The following LGR6 variants were observed in gnomAD, a reference collection of about 807,000 sequenced individuals.
LGR6 encodes the protein leucine-rich repeat-containing G protein-coupled receptor 6.
A neutral mutation model predicts 69.4 loss-of-function variants in LGR6; 45 were observed. The observed-to-expected ratio is 0.65, with a 90% CI of 0.51 to 0.83. The LOEUF is 0.83. Ranked by LOEUF, LGR6 falls within the 40% of genes least tolerant of loss-of-function variation. LGR6 has a pLI of 0.00. For missense variants in LGR6, 1,108 were observed against 1,246.7 expected, an observed-to-expected ratio of 0.89 and a Z score of 1.68; for synonymous variants, 538 against 555.0, an observed-to-expected ratio of 0.97 and a Z score of 0.43.
intron 4 of LGR6, among the ~76,000 whole-genome samples, chr1:202,244,836 G>T (rs1312481158): frequency 6.6e-6 from 1 of 152,198 alleles, no homozygotes; most frequent in Non-Finnish European, 1.5e-5. Flanking sequence ...GTAAGAAGCT[G>T]AGGCTAGAGT....
intron 11 of LGR6, among the ~76,000 whole-genome samples, chr1:202,304,834 C>T (rs1349263999): frequency 1.3e-5 from 2 of 152,182 alleles, no homozygotes; most frequent in African/African-American, 4.8e-5. Flanking sequence ...TTTGGACTCA[C>T]TCTTTAAAGT....
chr1:202,199,174 G>A (rs1455487989), intron 1 of LGR6, among the ~76,000 whole-genome samples: 3 of 151,812 alleles, frequency 2.0e-5, no homozygotes, highest in Non-Finnish European at 2.9e-5. Context: ...AAAGCTCCCC[G>A]GGAGAGCTGC....
chr1:202,279,408 C>T (rs901010772), intron 5 of LGR6, among the ~76,000 whole-genome samples: 5 of 152,108 alleles, frequency 3.3e-5, no homozygotes, highest in African/African-American at 1.2e-4. Context: ...CTGCCCATTG[C>T]CTTTATATTT....
chr1:202,272,632 G>T (rs558665709), intron 4 of LGR6, among the ~76,000 whole-genome samples: 1 of 152,348 alleles, frequency 6.6e-6, no homozygotes, highest in South Asian at 2.1e-4. Flanking sequence ...TTTTAAGCCA[G>T]TGCCATGCTC....
At chr1:202,258,545 A>G (rs934422010) in intron 4 of LGR6, among the ~76,000 whole-genome samples, 4 of 151,388 alleles carry the variant, frequency 2.6e-5, no homozygotes, top group African/African-American at 9.7e-5. Flanking sequence ...GAATTACTCC[A>G]TGATATTTAT....
At chr1:202,203,639 G>A (rs1558002979) in intron 1 of LGR6, 1 of 620,532 alleles carries the variant, frequency 1.6e-6, no homozygotes, top group Non-Finnish European at 2.9e-6. Flanking sequence ...TGGAGAGAGA[G>A]ATAAGACAAG....
intron 4 of LGR6, among the ~76,000 whole-genome samples, chr1:202,273,469 T>C (rs1293994960): frequency 6.6e-6 from 1 of 151,830 alleles, no homozygotes; most frequent in Admixed American, 6.6e-5. Context: ...TTGTTTTTTT[T>C]TTTTTGAGAT....
intron 4 of LGR6, among the ~76,000 whole-genome samples, chr1:202,271,808 CAAAAA>C (rs754922941): frequency 1.1e-5 from 1 of 88,486 alleles, no homozygotes; most frequent in South Asian, 4.3e-4. Flanking sequence ...AACTCTGTCT[CAAAAA>C]AAAAAAAAAA....
intron 3 of LGR6, among the ~76,000 whole-genome samples, chr1:202,231,100 CCCTGGCTCCAGG>C (rs1660998568): frequency 6.6e-6 from 1 of 152,212 alleles, no homozygotes; most frequent in South Asian, 2.1e-4. Flanking sequence ...CCATATGAAA[CCCTGGCTCCAGG>C]CCACAGAGGA....
intron 5 of LGR6, among the ~76,000 whole-genome samples, chr1:202,277,733 G>GA (rs1440832711): frequency 1.3e-5 from 2 of 151,380 alleles, no homozygotes; most frequent in Non-Finnish European, 1.5e-5. Flanking sequence ...ATAAATATGG[G>GA]AAAAAAATAA....
rs749961154 is a variant in LGR6 at position 202,307,315 on chromosome 1, C to T, written c.1209-15C>T. The T allele has an allele frequency of 1.9e-6, 3 of 1,613,412 alleles. No homozygotes were observed. Among genetic ancestry groups the T allele is most frequent in the Non-Finnish European group, 2.5e-6 (3 of 1,179,500 alleles). On this transcript the variant is annotated splice_polypyrimidine_tract_variant and intron_variant, in intron 13 of 17. Coordinates refer to ENST00000367278, the MANE Select transcript of LGR6 (RefSeq NM_001017403.2). ...ATGTTACTGTCCCCTCCTGTCACACCCTCTCTGCCTGCAGGGATCTTAGCT... is the reference window on the plus strand; with the variant it reads ...ATGTTACTGTCCCCTCCTGTCACACTCTCTCTGCCTGCAGGGATCTTAGCT...
intron 4 of LGR6, among the ~76,000 whole-genome samples, chr1:202,251,648 T>C (rs1222986187): frequency 6.6e-6 from 1 of 152,140 alleles, no homozygotes; most frequent in Non-Finnish European, 1.5e-5. Flanking sequence ...GCTGCTGGGC[T>C]CCTCGGGGAG....
chr1:202,194,095 C>G lies in LGR6; in HGVS notation c.106C>G (p.Pro36Ala). 5 of 1,535,470 alleles carry G rather than the reference C, an allele frequency of 3.3e-6. No homozygotes were observed. The highest frequency in any genetic ancestry group is 4.3e-6 in the Non-Finnish European group (5 of 1,150,910). ...PQPGPGPTAC[P>A]APCHCQEDGI... ...GCCCGGCCCGGGGCCCACCGCCTGCCCGGCCCCCTGCCACTGCCAGGAGGA... is the reference window on the plus strand; with the variant it reads ...GCCCGGCCCGGGGCCCACCGCCTGCGCGGCCCCCTGCCACTGCCAGGAGGA... The change falls in exon 1 of 18, where the codon CCG becomes GCG. Residue 36 changes from proline (P) to alanine (A), a missense_variant. Physicochemically the swap from Pro to Ala is conservative, Grantham distance 27 (BLOSUM62 -1). Transcript: ENST00000367278.
chr1:202,312,775 T>C (rs1653842878), intron 16 of LGR6, among the ~76,000 whole-genome samples: 1 of 152,210 alleles, frequency 6.6e-6, no homozygotes, highest in African/African-American at 2.4e-5. Flanking sequence ...CTTTCAGTGA[T>C]GGATTATCAC....
At chr1:202,314,273 T>C (rs771875096) in intron 16 of LGR6, among the ~76,000 whole-genome samples, 4 of 152,134 alleles carry the variant, frequency 2.6e-5, no homozygotes, top group Non-Finnish European at 5.9e-5. Flanking sequence ...TACTCTTACC[T>C]CCTCCAAGTT....
chr1:202,280,694 A>G, intron 5 of LGR6, 87 bp from the exon 6 acceptor site: 1 of 1,179,244 alleles, frequency 8.5e-7, no homozygotes, highest in South Asian at 1.2e-5. Flanking sequence ...TTCTGCCTAC[A>G]CTTTCCCCAT....
chr1:202,312,504 A>G (rs1653820909), intron 16 of LGR6, among the ~76,000 whole-genome samples: 1 of 152,212 alleles, frequency 6.6e-6, no homozygotes, highest in Non-Finnish European at 1.5e-5. Flanking sequence ...GAAAGCTCCC[A>G]ACTGATGGTG....
At chr1:202,242,489 A>T (rs1662293042) in intron 4 of LGR6, among the ~76,000 whole-genome samples, 1 of 152,216 alleles carries the variant, frequency 6.6e-6, no homozygotes, top group Non-Finnish European at 1.5e-5. Context: ...ATTGGCAGAC[A>T]GATGTCCCGA....
intron 4 of LGR6, among the ~76,000 whole-genome samples, chr1:202,245,412 C>T (rs1306879069): frequency 2.6e-5 from 4 of 152,100 alleles, no homozygotes; most frequent in Non-Finnish European, 4.4e-5. Flanking sequence ...GCCAGGGGAT[C>T]AGGGGTGATT....
Sources: allele counts gnomAD v4.1 joint callset (sites outside exome capture counted in the v4.1 genomes callset), GRCh38; gene constraint gnomAD v4.1.1; transcripts MANE v1.5; gene names NCBI Gene and HGNC (gene_info 2026-07-23, HGNC 2026-07-21).